KDM5A: variants seen among roughly 807,000 people sequenced by gnomAD.
KDM5A encodes the protein lysine demethylase 5A, also known as lysine-specific demethylase 5A.
A neutral mutation model predicts 193.5 loss-of-function variants in KDM5A; 42 were observed. That is an observed-to-expected ratio of 0.22 (90% CI 0.17 to 0.28). KDM5A has a LOEUF of 0.28. KDM5A is among the 10% of genes least tolerant of loss of function. The probability of loss-of-function intolerance (pLI) is 1.00; values close to 1 mark genes in which losing one functional copy is unlikely to be tolerated. For missense variants in KDM5A, 1,692 were observed against 2,055.1 expected (o/e 0.82, Z 3.42); for synonymous variants, 796 against 718.1 (o/e 1.11, Z -1.73).
chr12:335,833 G>A (rs962374208), intron 10 of KDM5A, among the ~76,000 whole-genome samples: 2 of 151,946 alleles, frequency 1.3e-5, no homozygotes, highest in Admixed American at 6.6e-5. Flanking sequence ...CCTGAGGTCA[G>A]GAGTTTGAGA....
intron 14 of KDM5A, among the ~76,000 whole-genome samples, chr12:326,782 G>A (rs974760181): frequency 4.0e-5 from 6 of 151,104 alleles, no homozygotes; most frequent in South Asian, 4.2e-4. Context: ...GGAGAATGGC[G>A]TGGACCCGCA....
chr12:313,734 A>G (rs756166803), intron 19 of KDM5A, among the ~76,000 whole-genome samples: 2 of 152,246 alleles, frequency 1.3e-5, no homozygotes, highest in African/African-American at 2.4e-5. Context: ...ACAATAGAAG[A>G]TAAGAATTAT....
intron 18 of KDM5A, among the ~76,000 whole-genome samples, chr12:318,933 C>A (rs975810266): frequency 6.6e-6 from 1 of 152,138 alleles, no homozygotes; most frequent in African/African-American, 2.4e-5. Flanking sequence ...AGAAGACAAA[C>A]TGAAACTAAA....
At chr12:353,932 A>C (rs1449948070) in intron 8 of KDM5A, 144 bp downstream of exon 8, 2 of 695,030 alleles carry the variant, frequency 2.9e-6, no homozygotes, top group Non-Finnish European at 4.8e-6. Context: ...AAAAAAAAAA[A>C]AAAAGTCCTG....
intron 3 of KDM5A, among the ~76,000 whole-genome samples, chr12:368,981 G>A (rs1306643538): frequency 6.6e-6 from 1 of 152,124 alleles, no homozygotes; most frequent in African/African-American, 2.4e-5. Flanking sequence ...ATAAGTGAAG[G>A]AAATGTTTTC....
chr12:306,893 T>TTA, intron 24 of KDM5A, 53 bp downstream of exon 24: 1 of 1,546,132 alleles, frequency 6.5e-7, no homozygotes. Context: ...TTTTTTTTTT[T>TTA]AAACAAACCC....
intron 24 of KDM5A, among the ~76,000 whole-genome samples, chr12:304,440 T>A (rs1436185894): frequency 1.4e-5 from 2 of 140,260 alleles, no homozygotes; most frequent in Admixed American, 7.2e-5. Context: ...TGCTCAAGAG[T>A]ATAGGCTTTT....
Position 350,639 on chromosome 12 carries a change from C to A in KDM5A, c.1290G>T (p.Lys430Asn). The A allele has an allele frequency of 6.2e-7, 1 of 1,614,026 alleles. No individual in the cohort carries two copies. The highest frequency in any genetic ancestry group is 1.3e-5 in the African/African-American group (1 of 75,008). ...TCTGCACCTCTTCTTCTGGCAGAAT[C>A]TTTCTCCGCCCATCCTTCACCGGAA... Reference protein sequence around the residue: ...SGFPVKDGRRKILPEEEEYAL... With the variant: ...SGFPVKDGRRNILPEEEEYAL... The change falls in exon 10 of 28, where the codon AAG (lysine) becomes AAT (asparagine). Residue 430 changes from lysine (K) to asparagine (N), a missense_variant. By Grantham distance (94) the Lys-to-Asn change is moderately conservative. This residue lies in a region of KDM5A where 172 missense variants were observed against 260.3 expected (regional missense o/e 0.66). Transcript: ENST00000399788.
chr12:328,532 A>G (rs1024130306), intron 14 of KDM5A, among the ~76,000 whole-genome samples: 6 of 150,372 alleles, frequency 4.0e-5, no homozygotes, highest in African/African-American at 9.8e-5. Flanking sequence ...GAAAGCTCAG[A>G]AAAAAAAAAT....
intron 10 of KDM5A, among the ~76,000 whole-genome samples, chr12:347,229 A>AG (rs1177389227): frequency 2.0e-5 from 3 of 152,234 alleles, no homozygotes; most frequent in African/African-American, 7.2e-5. Flanking sequence ...CTCTTCAAGG[A>AG]GAACTACAAA....
At chr12:296,359 A>T (rs907248986) in intron 25 of KDM5A, among the ~76,000 whole-genome samples, 2 of 151,906 alleles carry the variant, frequency 1.3e-5, no homozygotes, top group Non-Finnish European at 2.9e-5. Context: ...TATCCTGAAC[A>T]TTAATCTCTA....
chr12:372,902 T>C (rs1028136515), intron 3 of KDM5A, among the ~76,000 whole-genome samples: 1 of 152,246 alleles, frequency 6.6e-6, no homozygotes, highest in Admixed American at 6.5e-5. Context: ...GTTTATTGAT[T>C]TGCGTATATT....
chr12:305,977 T>TC (rs1372656226), intron 24 of KDM5A, among the ~76,000 whole-genome samples: 2 of 146,778 alleles, frequency 1.4e-5, no homozygotes, highest in East Asian at 4.1e-4. Flanking sequence ...GTGTTTTTTT[T>TC]TTTTTTTTTT....
chr12:375,431 C>A (rs967941311), intron 3 of KDM5A, among the ~76,000 whole-genome samples: 1 of 152,164 alleles, frequency 6.6e-6, no homozygotes, highest in African/African-American at 2.4e-5. Flanking sequence ...TCCATCAGGT[C>A]ATTTAAAGAC....
At chr12:306,901 C>A (rs2137386304) in intron 24 of KDM5A, 45 bp downstream of exon 24, 1 of 1,566,356 alleles carries the variant, frequency 6.4e-7, no homozygotes, top group Non-Finnish European at 8.8e-7. Flanking sequence ...TTTAAACAAA[C>A]CCAATGATCA....
Position 307,041 on chromosome 12 carries a change from T to C in KDM5A, c.3979A>G (p.Ser1327Gly). ...QQSAFNRVVS[S>G]VSSSPRQTMD... is the part of the protein sequence containing the mutation. The stretch of plus-strand genomic sequence containing the variant: ...GTTTGTCGAGGAGAAGATGACACAC[T>C]GCTCACCACCCGGTTAAAAGCAGAC... Residue 1327 changes from serine to glycine, a missense_variant, in exon 24 of 28, where the codon AGT becomes GGT. By Grantham distance (56) the Ser-to-Gly change is moderately conservative. Transcript: ENST00000399788. The surrounding 1 kb of genome is among the most constrained non-coding windows in gnomAD (Gnocchi z 4.3). 4 of 1,614,158 alleles carry C rather than the reference T, an allele frequency of 2.5e-6. No individual in the cohort carries two copies. The highest frequency in any genetic ancestry group is 3.4e-6 in the Non-Finnish European group (4 of 1,179,996).
In KDM5A at chr12:355,199, T is replaced by G; in HGVS notation, c.829A>C (p.Met277Leu). The change falls in exon 7 of 28, where the codon ATG becomes CTG. Residue 277 changes from methionine (M) to leucine (L), a missense_variant. Around this residue, in one of 11 missense-constraint regions of KDM5A, gnomAD observed 134 missense variants for 124.2 expected, o/e 1.08. Transcript: ENST00000399788. Reference sequence around the variant, plus strand: ...GTGCCTTTCCGTTGTCTCATTTGCATGTTAAATGCGTCTGACCTGTTGGTA... The same window carrying G: ...GTGCCTTTCCGTTGTCTCATTTGCAGGTTAAATGCGTCTGACCTGTTGGTA... ...KVTNRSDAFN[M>L]QMRQRKGTLS... 6.2e-7 allele frequency: 1 copy of G among 1,613,088 alleles called. No individual in the cohort carries two copies. The highest frequency in any genetic ancestry group is 1.1e-5 in the South Asian group (1 of 91,058).
intron 24 of KDM5A, among the ~76,000 whole-genome samples, chr12:297,983 A>G (rs1943395133): frequency 6.6e-6 from 1 of 152,136 alleles, no homozygotes; most frequent in Non-Finnish European, 1.5e-5. Context: ...AAAAATTACT[A>G]TTGCTCTCTA....
At chr12:313,429 T>C (rs1213059141) in intron 19 of KDM5A, among the ~76,000 whole-genome samples, 2 of 152,280 alleles carry the variant, frequency 1.3e-5, no homozygotes, top group East Asian at 1.9e-4. Flanking sequence ...TTTTTATGGA[T>C]AAGAAAACTT....
Sources: allele counts gnomAD v4.1 joint callset (sites outside exome capture counted in the v4.1 genomes callset), GRCh38; gene constraint gnomAD v4.1.1; regional missense constraint gnomAD v4.1.1; non-coding constraint Gnocchi (gnomAD v3.1); transcripts MANE v1.5; gene names NCBI Gene and HGNC (gene_info 2026-07-23, HGNC 2026-07-21).